Variants in PVT1 observed in about 807,000 individuals in gnomAD.
PVT1 encodes CXCR4/PVT1 fusion.
At chr8:128,052,956 G>T (rs1036976069) in intron 4 of PVT1, among the ~76,000 whole-genome samples, 1 of 152,238 alleles carries the variant, frequency 6.6e-6, no homozygotes, top group Non-Finnish European at 1.5e-5. Context: ...TCCAGGATTT[G>T]TGTATCTAAC....
chr8:128,076,198 G>A (rs571801798), intron 5 of PVT1, among the ~76,000 whole-genome samples: 56 of 152,182 alleles, frequency 3.7e-4, no homozygotes, highest in African/African-American at 1.2e-3. Context: ...TTCTTCTCCC[G>A]GGACGTTACT....
At chr8:128,079,547 G>T (rs574699421) in intron 5 of PVT1, among the ~76,000 whole-genome samples, 1 of 152,056 alleles carries the variant, frequency 6.6e-6, no homozygotes, top group Admixed American at 6.6e-5. Flanking sequence ...ATAGTGTTGT[G>T]TACCTACCAT....
At chr8:127,859,020 C>G (rs1437353185) in intron 2 of PVT1, among the ~76,000 whole-genome samples, 1 of 151,808 alleles carries the variant, frequency 6.6e-6, no homozygotes, top group Non-Finnish European at 1.5e-5. Flanking sequence ...GTTGCCCAGG[C>G]TGGTCTTCAA....
intron 4 of PVT1, among the ~76,000 whole-genome samples, chr8:128,048,793 A>C (rs1813650220): frequency 1.3e-5 from 2 of 152,252 alleles, no homozygotes; most frequent in South Asian, 4.1e-4. Context: ...CTTTGAAGAA[A>C]GAGGAAGGCG....
intron 3 of PVT1, chr8:127,932,650 C>T (rs1032671937): frequency 2.5e-5 from 10 of 398,030 alleles, no homozygotes; most frequent in Non-Finnish European, 4.4e-5. Context: ...CTACGTACAG[C>T]TTCAAGGCCC....
intron 2 of PVT1, among the ~76,000 whole-genome samples, chr8:127,880,298 C>CT (rs1178175476): frequency 2.8e-4 from 43 of 151,358 alleles, no homozygotes; most frequent in South Asian, 6.3e-4. Flanking sequence ...TCAACAATTC[C>CT]TTTTTTCTTT....
chr8:127,877,748 A>G (rs1311210792), intron 2 of PVT1, among the ~76,000 whole-genome samples: 1 of 152,060 alleles, frequency 6.6e-6, no homozygotes, highest in Non-Finnish European at 1.5e-5. Context: ...ACATGATGAA[A>G]ACCTCTCTCT....
chr8:127,910,893 T>TTG (rs537562200), intron 3 of PVT1, among the ~76,000 whole-genome samples: 8,766 of 140,534 alleles, frequency 0.062, 683 homozygotes, highest in African/African-American at 0.19. Context: ...GTGTGTGTGT[T>TTG]TGTGTGTGTG....
intron 2 of PVT1, among the ~76,000 whole-genome samples, chr8:127,860,764 C>CAAAA (rs1224612475): frequency 1.6e-5 from 1 of 63,176 alleles, no homozygotes; most frequent in African/African-American, 4.5e-5. Flanking sequence ...GACCCAATCT[C>CAAAA]AAAAAAAAAA....
intron 2 of PVT1, among the ~76,000 whole-genome samples, chr8:127,807,317 CTT>C (rs1313864209): frequency 2.6e-5 from 4 of 152,138 alleles, no homozygotes; most frequent in Non-Finnish European, 4.4e-5. Context: ...GCCTTTATTG[CTT>C]TTTTTAAATT....
intron 4 of PVT1, among the ~76,000 whole-genome samples, chr8:128,046,191 C>T (rs957529390): frequency 2.0e-5 from 3 of 152,232 alleles, no homozygotes; most frequent in Non-Finnish European, 4.4e-5. Context: ...ACCAAGGGGA[C>T]AAGAGAGATG....
chr8:127,871,850 A>G lies in PVT1; in HGVS notation n.373-18739A>G, dbSNP rs112010354. Among the ~76,000 whole-genome samples the G allele has an allele frequency of 4.4e-3, 669 of 152,338 alleles. 3 individuals carry two copies. Among genetic ancestry groups the G allele is most frequent in the African/African-American group, 0.015 (643 of 41,588 alleles). ...ACGCCTGTAATCCCAGCATTTTGGG[A>G]GGCCAAGGCAGGCGGATCCCCTGAG... On this transcript the variant is annotated intron_variant and non_coding_transcript_variant, in intron 2 of 10. Coordinates refer to ENST00000651587, the Ensembl canonical transcript of PVT1.
intron 2 of PVT1, among the ~76,000 whole-genome samples, chr8:127,884,019 A>C (rs1037112404): frequency 6.6e-6 from 1 of 152,238 alleles, no homozygotes; most frequent in African/African-American, 2.4e-5. Flanking sequence ...TTATAGAAAT[A>C]ATGTGCATGG....
intron 3 of PVT1, among the ~76,000 whole-genome samples, chr8:127,952,914 G>A (rs550654110): frequency 7.2e-5 from 11 of 152,230 alleles, no homozygotes; most frequent in South Asian, 2.1e-4. Flanking sequence ...ACAGGCGCCC[G>A]CCACCACGCC....
intron 2 of PVT1, among the ~76,000 whole-genome samples, chr8:127,875,363 G>GTCTCTGTC (rs1554593476): frequency 6.7e-6 from 1 of 149,616 alleles, no homozygotes; most frequent in East Asian, 2.0e-4. Context: ...CTCTGTCTCT[G>GTCTCTGTC]TCTCTCTCTC....
chr8:127,915,500 T>A (rs1046470528), intron 3 of PVT1, among the ~76,000 whole-genome samples: 3 of 150,190 alleles, frequency 2.0e-5, no homozygotes, highest in African/African-American at 7.4e-5. Context: ...TAATCCCAGC[T>A]ACTTGGGAGG....
At chr8:127,984,886 T>TCC (rs1491500016) in intron 3 of PVT1, among the ~76,000 whole-genome samples, 1 of 102,178 alleles carries the variant, frequency 9.8e-6, no homozygotes, top group Non-Finnish European at 2.1e-5. Flanking sequence ...TCTTTCTTTC[T>TCC]TTCTTTCTTT....
intron 4 of PVT1, among the ~76,000 whole-genome samples, chr8:128,017,928 G>A (rs1330055910): frequency 2.0e-5 from 3 of 152,206 alleles, no homozygotes; most frequent in African/African-American, 7.2e-5. Context: ...CAGATGGAAT[G>A]CCAGCACATC....
At chr8:127,830,758 G>A (rs1814839709) in intron 2 of PVT1, among the ~76,000 whole-genome samples, 1 of 152,118 alleles carries the variant, frequency 6.6e-6, no homozygotes, top group African/African-American at 2.4e-5. Context: ...TTGAGTCAGT[G>A]GGCTGGGGAA....
Sources: allele counts gnomAD v4.1 joint callset (sites outside exome capture counted in the v4.1 genomes callset), GRCh38; gene constraint gnomAD v4.1.1; transcripts MANE v1.5; gene names NCBI Gene and HGNC (gene_info 2026-07-23, HGNC 2026-07-21).